The following DLG2 variants were observed in gnomAD, a reference collection of about 807,000 sequenced individuals.
The protein encoded by DLG2 is disks large homolog 2.
Under a neutral mutation model 132.5 loss-of-function variants are expected in DLG2, and 45 were observed. The ratio of observed to expected loss-of-function variants is 0.34; its 90% CI spans 0.27 to 0.44. The LOEUF (loss-of-function observed/expected upper bound fraction) is 0.44. Among genes scored for constraint, DLG2 ranks in the 20% least tolerant of loss-of-function variants. The pLI is 1.00. For missense variants in DLG2, 1,045 were observed against 1,196.9 expected, an observed-to-expected ratio of 0.87 and a Z score of 1.87; for synonymous variants, 424 against 419.6, an observed-to-expected ratio of 1.01 and a Z score of -0.13.
chr11:83,843,361 C>T (rs115996413), intron 16 of DLG2, among the ~76,000 whole-genome samples: 1 of 152,208 alleles, frequency 6.6e-6, no homozygotes, highest in Non-Finnish European at 1.5e-5. Context: ...CTCCTCTCTG[C>T]TGTCCCCTCT....
chr11:83,655,291 A>C (rs1307850828), intron 18 of DLG2, among the ~76,000 whole-genome samples: 1 of 152,278 alleles, frequency 6.6e-6, no homozygotes, highest in African/African-American at 2.4e-5. Context: ...AAAGAATGAA[A>C]GACAATAAAC....
At chr11:85,515,090 G>T (rs2094146429) in intron 3 of DLG2, among the ~76,000 whole-genome samples, 1 of 151,870 alleles carries the variant, frequency 6.6e-6, no homozygotes. Context: ...GCTGTAGTCA[G>T]ATAACTGGAG....
intron 6 of DLG2, among the ~76,000 whole-genome samples, chr11:84,562,178 G>A (rs1239817123): frequency 7.5e-6 from 1 of 133,890 alleles, no homozygotes; most frequent in Non-Finnish European, 1.7e-5. Flanking sequence ...TCAGTCCCCT[G>A]TCTATGAGAA....
At chr11:83,480,504 A>C (rs1382948871) in intron 22 of DLG2, 2 of 1,494,700 alleles carry the variant, frequency 1.3e-6, no homozygotes, top group Admixed American at 2.0e-5. Context: ...GCTACCAGAA[A>C]TGTGAGCGAA....
intron 7 of DLG2, among the ~76,000 whole-genome samples, chr11:84,509,816 G>A (rs940477577): frequency 2.0e-5 from 3 of 151,916 alleles, no homozygotes; most frequent in Non-Finnish European, 4.4e-5. Flanking sequence ...TCTAATATAT[G>A]AAAAATATTG....
chr11:84,341,784 G>A (rs796997049), intron 7 of DLG2, among the ~76,000 whole-genome samples: 1 of 152,390 alleles, frequency 6.6e-6, no homozygotes, highest in African/African-American at 2.4e-5. Context: ...AGAATCTGGA[G>A]GCACAGAGCC....
intron 6 of DLG2, among the ~76,000 whole-genome samples, chr11:84,699,034 C>T (rs991674576): frequency 1.5e-4 from 23 of 151,504 alleles, no homozygotes; most frequent in Admixed American, 5.3e-4. Context: ...GCTTGCTTAT[C>T]ACTACCCTCT....
intron 11 of DLG2, among the ~76,000 whole-genome samples, chr11:84,001,656 G>T (rs569891655): frequency 6.6e-6 from 1 of 151,996 alleles, no homozygotes; most frequent in South Asian, 2.1e-4. Context: ...TCTTATCAGC[G>T]CATGAAACAT....
At chr11:83,663,619 T>A (rs1350342249) in intron 18 of DLG2, among the ~76,000 whole-genome samples, 1 of 152,224 alleles carries the variant, frequency 6.6e-6, no homozygotes, top group African/African-American at 2.4e-5. Flanking sequence ...GAAAGTTCAC[T>A]GGTTTTGTTC....
intron 6 of DLG2, among the ~76,000 whole-genome samples, chr11:84,657,763 G>C (rs1213731374): frequency 6.6e-6 from 1 of 152,122 alleles, no homozygotes; most frequent in African/African-American, 2.4e-5. Flanking sequence ...CAGGCTACAG[G>C]CCAGTACCAT....
intron 12 of DLG2, among the ~76,000 whole-genome samples, chr11:83,976,310 G>A (rs2092206507): frequency 6.6e-6 from 1 of 151,822 alleles, no homozygotes; most frequent in African/African-American, 2.4e-5. Flanking sequence ...AATAATATAT[G>A]GTGGAATTTT....
At chr11:84,487,787 AG>A (rs1414849743) in intron 7 of DLG2, among the ~76,000 whole-genome samples, 1 of 152,148 alleles carries the variant, frequency 6.6e-6, no homozygotes, top group African/African-American at 2.4e-5. Flanking sequence ...GGCTTCACCA[AG>A]GAAGTACCAC....
intron 19 of DLG2, among the ~76,000 whole-genome samples, chr11:83,556,516 G>A (rs2096523530): frequency 6.6e-6 from 1 of 152,002 alleles, no homozygotes; most frequent in South Asian, 2.1e-4. Context: ...GGGACCACAG[G>A]CGTGCGCCAA....
intron 21 of DLG2, among the ~76,000 whole-genome samples, chr11:83,494,356 C>A (rs1044970354): frequency 6.7e-6 from 1 of 149,844 alleles, no homozygotes; most frequent in African/African-American, 2.5e-5. Context: ...TGTAAACCCG[C>A]AAATTTAGTT....
chr11:83,544,512 C>T (rs1005067759), intron 19 of DLG2, among the ~76,000 whole-genome samples: 3 of 152,048 alleles, frequency 2.0e-5, no homozygotes, highest in Non-Finnish European at 2.9e-5. Context: ...GAATATATAG[C>T]TTAGTGGCAG....
chr11:84,387,633 G>A (rs1358581558), intron 7 of DLG2, among the ~76,000 whole-genome samples: 2 of 152,076 alleles, frequency 1.3e-5, no homozygotes, highest in Non-Finnish European at 2.9e-5. Context: ...GAAGTGTACA[G>A]TACCCAAATG....
chr11:84,392,500 C>G (rs1326355629), intron 7 of DLG2, among the ~76,000 whole-genome samples: 1 of 152,178 alleles, frequency 6.6e-6, no homozygotes, highest in Non-Finnish European at 1.5e-5. Context: ...TTATATTTTA[C>G]TGATCATACT....
chr11:84,085,362 G>A (rs1160246889), intron 10 of DLG2, among the ~76,000 whole-genome samples: 1 of 152,144 alleles, frequency 6.6e-6, no homozygotes. Context: ...TGTGTCTGGA[G>A]AGACTATTAG....
intron 3 of DLG2, among the ~76,000 whole-genome samples, chr11:85,457,439 T>C (rs2092459116): frequency 6.6e-6 from 1 of 152,212 alleles, no homozygotes; most frequent in Admixed American, 6.5e-5. Flanking sequence ...CCATTCATAT[T>C]CAAGGCTAAT....
Sources: allele counts gnomAD v4.1 joint callset (sites outside exome capture counted in the v4.1 genomes callset), GRCh38; gene constraint gnomAD v4.1.1; transcripts MANE v1.5; gene names NCBI Gene and HGNC (gene_info 2026-07-23, HGNC 2026-07-21).